DNAH5: variants seen among roughly 807,000 people sequenced by gnomAD.
DNAH5 encodes the protein axonemal beta dynein heavy chain 5.
A neutral mutation model predicts 518.2 loss-of-function variants in DNAH5; 372 were observed. The observed-to-expected ratio is 0.72, with a 90% CI of 0.66 to 0.78. DNAH5 has a LOEUF of 0.78. Ranked by LOEUF, DNAH5 falls within the 30% of genes least tolerant of loss-of-function variation. The probability of loss-of-function intolerance (pLI) is 0.00; values close to 1 mark genes in which losing one functional copy is unlikely to be tolerated. For synonymous variants in DNAH5, 2,039 were observed against 2,025.9 expected, an observed-to-expected ratio of 1.01 and a Z score of -0.17; for missense variants, 5,523 against 5,687.0, an observed-to-expected ratio of 0.97 and a Z score of 0.93.
At chr5:13,808,989 T>C in intron 46 of DNAH5, 55 bp downstream of exon 46, 1 of 1,590,612 alleles carries the variant, frequency 6.3e-7, no homozygotes, top group Non-Finnish European at 8.6e-7. Flanking sequence ...AAATGCAGGA[T>C]GCTTCATGTC....
intron 65 of DNAH5, among the ~76,000 whole-genome samples, chr5:13,739,887 G>A (rs142738262): frequency 7.9e-5 from 12 of 152,096 alleles, no homozygotes; most frequent in South Asian, 2.1e-4. Context: ...AAACAGTATC[G>A]CTATGCTGAT....
In DNAH5 at chr5:13,817,678, A is replaced by C; in HGVS notation, c.6858T>G (p.His2286Gln). 6.2e-7 allele frequency: 1 copy of C among 1,614,142 alleles called. No homozygotes were observed. The highest frequency in any genetic ancestry group is 8.5e-7 in the Non-Finnish European group (1 of 1,180,028). The change falls in exon 42 of 79, where the codon CAT becomes CAG. Residue 2286 changes from histidine (H) to glutamine (Q), a missense_variant. Coordinates refer to ENST00000265104, the MANE Select transcript of DNAH5 (RefSeq NM_001369.3). ...MRAMTDCGKP[H>Q]REMRMNPKAI... Reference sequence around the variant, plus strand: ...CTTTGGGATTCATCCTCATTTCCCGATGTGGTTTTCCACAATCTATACCAA... The same window carrying C: ...CTTTGGGATTCATCCTCATTTCCCGCTGTGGTTTTCCACAATCTATACCAA...
chr5:13,714,216 T>C (rs1045253515), intron 75 of DNAH5, among the ~76,000 whole-genome samples, 189 bp downstream of exon 75: 25 of 152,204 alleles, frequency 1.6e-4, no homozygotes, highest in African/African-American at 5.8e-4. Context: ...ATGGTTTATA[T>C]ATTGAAAAGA....
intron 70 of DNAH5, among the ~76,000 whole-genome samples, 187 bp from the exon 71 acceptor site, chr5:13,721,432 A>G (rs926354073): frequency 1.6e-4 from 25 of 152,124 alleles, no homozygotes; most frequent in African/African-American, 6.0e-4. Context: ...AGGTGGGAAA[A>G]CTGTGTTGCT....
chr5:13,859,629 GT>G, intron 29 of DNAH5, 24 bp from the exon 30 acceptor site: 1 of 1,610,932 alleles, frequency 6.2e-7, no homozygotes, highest in East Asian at 2.2e-5. Context: ...TAGGTTTAGG[GT>G]TTGGTTTTGT....
intron 1 of DNAH5, among the ~76,000 whole-genome samples, chr5:13,997,569 T>C (rs1189696303): frequency 6.6e-6 from 1 of 152,230 alleles, no homozygotes; most frequent in Non-Finnish European, 1.5e-5. Context: ...TCTAAAAAGA[T>C]ACAGGCTTTC....
intron 32 of DNAH5, 84 bp downstream of exon 32, chr5:13,844,752 TA>T: frequency 6.4e-7 from 1 of 1,573,814 alleles, no homozygotes; most frequent in South Asian, 1.1e-5. Context: ...ACCCTTGTTA[TA>T]AACCCGTTTT....
chr5:13,917,379 T>C, intron 7 of DNAH5, 123 bp from the exon 8 acceptor site: 1 of 756,270 alleles, frequency 1.3e-6, no homozygotes, highest in South Asian at 1.5e-5. Context: ...CACAGAAAAC[T>C]GAATCCAGAG....
At chr5:13,855,174 C>G (rs1484914425) in intron 30 of DNAH5, among the ~76,000 whole-genome samples, 3 of 151,904 alleles carry the variant, frequency 2.0e-5, no homozygotes, top group Non-Finnish European at 4.4e-5. Context: ...ACAAGAACCA[C>G]TCCACATAGA....
At chr5:13,929,855 C>G (rs552266790) in intron 2 of DNAH5, among the ~76,000 whole-genome samples, 96 of 152,308 alleles carry the variant, frequency 6.3e-4, no homozygotes, top group African/African-American at 2.3e-3. Flanking sequence ...ATCCAGATGT[C>G]TGAATTGGGA....
At chr5:13,931,632 T>A (rs1226878294) in intron 1 of DNAH5, among the ~76,000 whole-genome samples, 1 of 152,226 alleles carries the variant, frequency 6.6e-6, no homozygotes, top group East Asian at 1.9e-4. Context: ...TAATATTTTT[T>A]CTACAGTATC....
chr5:13,784,812 C>T (rs1755729367), intron 52 of DNAH5, among the ~76,000 whole-genome samples: 2 of 152,112 alleles, frequency 1.3e-5, no homozygotes, highest in South Asian at 2.1e-4. Flanking sequence ...TTTTCTTGCA[C>T]TGTAGATAAA....
intron 30 of DNAH5, among the ~76,000 whole-genome samples, chr5:13,856,504 C>A (rs571037798): frequency 1.3e-5 from 2 of 152,314 alleles, no homozygotes; most frequent in South Asian, 4.1e-4. Flanking sequence ...GGACTCCTCC[C>A]TAACTCATTT....
At chr5:13,946,551 A>C (rs1000443470), upstream of DNAH5, among the ~76,000 whole-genome samples, 1 of 152,228 alleles carries the variant, frequency 6.6e-6, no homozygotes, top group African/African-American at 2.4e-5. Context: ...GAAATGATCA[A>C]ACATTGTTCG....
chr5:13,786,169 G>A lies in DNAH5; in HGVS notation c.8820+10C>T, dbSNP rs754828652. The A allele has an allele frequency of 1.9e-6, 3 of 1,613,496 alleles. No homozygotes were observed. The highest frequency in any genetic ancestry group is 2.7e-5 in the African/African-American group (2 of 74,906). On this transcript the variant is annotated intron_variant, in intron 52 of 78. Coordinates refer to ENST00000265104, the MANE Select transcript of DNAH5 (RefSeq NM_001369.3). ...CCTCCACAAGGCACTACTCAGAGTG[G>A]CTACTGTACCTTGACTAAGTGAACC...
intron 61 of DNAH5, among the ~76,000 whole-genome samples, chr5:13,755,706 C>G (rs2401808): frequency 0.36 from 54,529 of 152,072 alleles, 10,131 homozygotes; most frequent in South Asian, 0.49. Context: ...CTACTCACAT[C>G]TGTTTGTTTC....
intron 52 of DNAH5, among the ~76,000 whole-genome samples, chr5:13,782,950 T>A (rs912400653): frequency 6.6e-6 from 1 of 152,200 alleles, no homozygotes; most frequent in African/African-American, 2.4e-5. Context: ...ATGTCCACCC[T>A]GCCCCTCAGG....
At chr5:13,978,716 G>A (rs368400379) in intron 1 of DNAH5, among the ~76,000 whole-genome samples, 90 of 152,282 alleles carry the variant, frequency 5.9e-4, no homozygotes, top group African/African-American at 2.1e-3. Flanking sequence ...GGGGCAATAG[G>A]CTATGCCATA....
intron 44 of DNAH5, among the ~76,000 whole-genome samples, chr5:13,810,740 C>T (rs1347103215): frequency 6.7e-6 from 1 of 149,520 alleles, no homozygotes; most frequent in African/African-American, 2.5e-5. Flanking sequence ...GGCGACAGTG[C>T]GAGACTCCAT....
Sources: gnomAD v4.1 joint callset for allele counts (sites outside exome capture counted in the v4.1 genomes callset) on GRCh38, gnomAD v4.1.1 for gene constraint, MANE v1.5 for transcripts, NCBI Gene and HGNC (gene_info 2026-07-23, HGNC 2026-07-21) for gene names.